Variants in ADGRG4 observed in about 807,000 individuals in gnomAD.
ADGRG4 encodes the protein G protein-coupled receptor 112.
ADGRG4 carries 122 observed loss-of-function variants against 126.2 expected under a neutral mutation model. That is an observed-to-expected ratio of 0.97 (90% CI 0.83 to 1.12). The LOEUF is 1.12. Ranked by LOEUF, ADGRG4 falls within the 50% of genes most tolerant of loss-of-function variation. The probability of loss-of-function intolerance (pLI) is 0.00; values close to 1 mark genes in which losing one functional copy is unlikely to be tolerated. For missense variants in ADGRG4, 2,481 were observed against 2,251.8 expected (o/e 1.10, Z -2.06); for synonymous variants, 943 against 838.7 (o/e 1.12, Z -2.15).
rs1204576355 is a variant in ADGRG4, at chrX:136,349,714, A to T, written c.6008A>T (p.Lys2003Met). The T allele has an allele frequency of 1.7e-6, 2 of 1,208,372 alleles. No homozygotes were observed. The highest frequency in any genetic ancestry group is 2.2e-6 in the Non-Finnish European group (2 of 894,463). Residue 2003 changes from lysine to methionine, a missense_variant, in exon 6 of 26, where the codon AAG becomes ATG. Transcript: ENST00000394143. Reference protein sequence around the residue: ...SGATSGSVISKSPILTWLLSS... With the variant: ...SGATSGSVISMSPILTWLLSS... ...GCCACTTCAGGATCTGTAATTTCAAAGTCACCCATTCTGACATGGCTCTTA... is the reference window on the plus strand; with the variant it reads ...GCCACTTCAGGATCTGTAATTTCAATGTCACCCATTCTGACATGGCTCTTA...
At chrX:136,410,867 GA>G (rs987035941) in intron 23 of ADGRG4, among the ~76,000 whole-genome samples, 1 of 111,986 alleles carries the variant, frequency 8.9e-6, no homozygotes, top group African/African-American at 3.2e-5. Context: ...AATAATACAA[GA>G]AACAAAATGT....
At chrX:136,390,411 C>T (rs1323266349) in intron 16 of ADGRG4, among the ~76,000 whole-genome samples, 5 of 111,176 alleles carry the variant, frequency 4.5e-5, no homozygotes, top group Non-Finnish European at 1.9e-5. Flanking sequence ...CTCCACACCT[C>T]CTCTAGCTGT....
chrX:136,345,265 C>T lies in ADGRG4; in HGVS notation c.1559C>T (p.Pro520Leu). The T allele has an allele frequency of 8.3e-7, 1 of 1,211,193 alleles. No individual in the cohort carries two copies. Among genetic ancestry groups the T allele is most frequent in the South Asian group, 1.8e-5 (1 of 56,937 alleles). ...AGGCTTATTGAGACCACACCTGCCC[C>T]AAGGACAGCTGAAACAGAATTGACA... ...PTRLIETTPA[P>L]RTAETELTST... Residue 520 changes from proline to leucine, a missense_variant, in exon 6 of 26, where the codon CCA becomes CTA. By Grantham distance (98) the Pro-to-Leu change is moderately conservative. Coordinates refer to ENST00000394143, the MANE Select transcript of ADGRG4 (RefSeq NM_153834.4).
At position 136,345,218 on chromosome X, in the gene ADGRG4, C is replaced by T. The variant is rs369910355; in HGVS notation, c.1512C>T (p.Val504=). ...ATTDMKIAFT[V]HSLTLPTRLI... ...CTGATATGAAAATAGCATTTACAGTCCATTCATTGACTCTCCCAACTAGGC... is the reference window on the plus strand; with the variant it reads ...CTGATATGAAAATAGCATTTACAGTTCATTCATTGACTCTCCCAACTAGGC... Residue 504 remains valine, a synonymous_variant, in exon 6 of 26, where the codon GTC becomes GTT. Transcript: ENST00000394143. 4.1e-6 allele frequency: 5 copies of T among 1,208,580 alleles called. No homozygotes were observed. In the African/African-American group the frequency reaches 8.7e-5, roughly 21 times the overall value.
intron 5 of ADGRG4, among the ~76,000 whole-genome samples, chrX:136,337,715 C>T (rs1008273684): frequency 8.9e-6 from 1 of 112,090 alleles, no homozygotes; most frequent in African/African-American, 3.2e-5. Context: ...TTCTTTCTGT[C>T]TACTTTCAAA....
intron 3 of ADGRG4, among the ~76,000 whole-genome samples, chrX:136,305,498 C>T (rs2074727616): frequency 8.9e-6 from 1 of 112,227 alleles, no homozygotes; most frequent in African/African-American, 3.2e-5. Flanking sequence ...TTCTGTCACC[C>T]CTAAGGGGCT....
chrX:136,394,005 G>T (rs1394773236), intron 18 of ADGRG4, among the ~76,000 whole-genome samples: 1 of 111,799 alleles, frequency 8.9e-6, no homozygotes, highest in Admixed American at 9.5e-5. Context: ...GAAGAAAGTT[G>T]AGGAAGGAAT....
At chrX:136,339,779 G>A (rs1382685713) in intron 5 of ADGRG4, among the ~76,000 whole-genome samples, 1 of 112,234 alleles carries the variant, frequency 8.9e-6, no homozygotes, top group Non-Finnish European at 1.9e-5. Flanking sequence ...CTTTTGGGGA[G>A]GAGCAGGGAA....
At chrX:136,344,131 T>C (rs2074996004) in intron 5 of ADGRG4, among the ~76,000 whole-genome samples, 1 of 111,722 alleles carries the variant, frequency 9.0e-6, no homozygotes, top group African/African-American at 3.3e-5. Context: ...CATGCATCCC[T>C]CTTTCAGGAA....
chrX:136,315,004 G>A, intron 4 of ADGRG4, among the ~76,000 whole-genome samples: 1 of 111,792 alleles, frequency 8.9e-6, no homozygotes, highest in Middle Eastern at 4.6e-3. Context: ...CTCTTGGCAG[G>A]CCACAAATGG....
intron 19 of ADGRG4, 69 bp downstream of exon 19, chrX:136,395,562 G>A: frequency 1.8e-6 from 1 of 550,483 alleles, no homozygotes; most frequent in Admixed American, 3.5e-5. Flanking sequence ...ATATATGTGT[G>A]AACTGTTATT....
At chrX:136,384,950 A>C (rs1181529661) in intron 15 of ADGRG4, among the ~76,000 whole-genome samples, 4 of 109,870 alleles carry the variant, frequency 3.6e-5, no homozygotes, top group African/African-American at 1.3e-4. Context: ...TGAATATGTA[A>C]ATTTATACCT....
chrX:136,354,814 C>T (rs1246876004), intron 8 of ADGRG4, among the ~76,000 whole-genome samples: 1 of 111,499 alleles, frequency 9.0e-6, no homozygotes, highest in Non-Finnish European at 1.9e-5. Context: ...GCAGAAGATA[C>T]GAATGAAGAG....
chrX:136,307,404 A>C (rs1360857161), intron 3 of ADGRG4, among the ~76,000 whole-genome samples: 1 of 112,608 alleles, frequency 8.9e-6, no homozygotes, highest in African/African-American at 3.2e-5. Flanking sequence ...TTATAGCACT[A>C]TAAATTTAAG....
At chrX:136,410,310 G>A (rs977500671) in intron 23 of ADGRG4, among the ~76,000 whole-genome samples, 1 of 110,447 alleles carries the variant, frequency 9.1e-6, no homozygotes, top group African/African-American at 3.3e-5. Flanking sequence ...CTTCTTCACC[G>A]TATTCTTGAA....
At position 136,322,960 on chromosome X, in the gene ADGRG4, A is replaced by G. The variant is rs1000668217; in HGVS notation, c.253A>G (p.Arg85Gly). 8 of 1,209,544 alleles carry G rather than the reference A, an allele frequency of 6.6e-6. No individual in the cohort carries two copies. The African/African-American group carries it at 1.4e-4, about 21-fold the overall frequency. ...SYITNNALLGREDIDLGLAGD... is the reference protein window; with the variant it reads ...SYITNNALLGGEDIDLGLAGD... ...TATTACTAATAACGCCCTCCTGGGC[A>G]GAGAAGACATAGACCTTGGACTTGC... The change falls in exon 5 of 26, where the codon AGA becomes GGA. Residue 85 changes from arginine (R) to glycine (G), a missense_variant. Arg to Gly is a moderately radical substitution (Grantham distance 125). Coordinates refer to ENST00000394143, the MANE Select transcript of ADGRG4 (RefSeq NM_153834.4).
At chrX:136,410,359 C>T (rs1318251602) in intron 23 of ADGRG4, among the ~76,000 whole-genome samples, 2 of 111,514 alleles carry the variant, frequency 1.8e-5, no homozygotes, top group African/African-American at 6.5e-5. Flanking sequence ...CCAAACTGAA[C>T]ATGGTGCTGG....
intron 15 of ADGRG4, among the ~76,000 whole-genome samples, chrX:136,380,601 C>CTTCTTCTTCTTCT (rs2075255326): frequency 1.7e-5 from 1 of 60,166 alleles, no homozygotes; most frequent in African/African-American, 6.4e-5. Context: ...CCTCCTCCTC[C>CTTCTTCTTCTTCT]TCCTCTTCTT....
intron 22 of ADGRG4, among the ~76,000 whole-genome samples, chrX:136,403,954 A>G (rs1347719948): frequency 9.0e-6 from 1 of 111,532 alleles, no homozygotes; most frequent in Non-Finnish European, 1.9e-5. Context: ...TTTTACAGGC[A>G]TGTAGATAGT....
Sources: allele counts gnomAD v4.1 joint callset (sites outside exome capture counted in the v4.1 genomes callset), GRCh38; gene constraint gnomAD v4.1.1; transcripts MANE v1.5; gene names NCBI Gene and HGNC (gene_info 2026-07-23, HGNC 2026-07-21).